Variants in ZNF461 observed in about 807,000 individuals in gnomAD.
ZNF461 encodes zinc finger protein 461.
ZNF461 carries 16 observed loss-of-function variants against 18.3 expected under a neutral mutation model. The ratio of observed to expected loss-of-function variants is 0.88; its 90% CI spans 0.59 to 1.33. ZNF461 has a LOEUF of 1.33. ZNF461 is among the 40% of genes most tolerant of loss of function. The pLI, the probability that ZNF461 is intolerant of heterozygous loss-of-function variation, is 0.00. For synonymous variants in ZNF461, 179 were observed against 216.9 expected, an observed-to-expected ratio of 0.83 and a Z score of 1.54; for missense variants, 595 against 669.9, an observed-to-expected ratio of 0.89 and a Z score of 1.23.
intron 5 of ZNF461, among the ~76,000 whole-genome samples, chr19:36,642,365 C>T (rs1249964018): frequency 2.0e-5 from 3 of 152,146 alleles, no homozygotes; most frequent in Non-Finnish European, 2.9e-5. Context: ...ACCCACATGT[C>T]GGGTACCAGG....
rs550999946 is a variant in ZNF461, at chr19:36,663,455, C to T, written c.9+1243G>A. Among the ~76,000 whole-genome samples the T allele has an allele frequency of 9.2e-4, 140 of 151,882 alleles. 1 individual carries two copies. Among genetic ancestry groups the T allele is most frequent in the South Asian group, 2.9e-3 (14 of 4,810 alleles). ...AGGTCTTTTAATAGATGAGTTAAACCCCATTTGCATATGTTAATAAGGTAT... is the reference window on the plus strand; with the variant it reads ...AGGTCTTTTAATAGATGAGTTAAACTCCATTTGCATATGTTAATAAGGTAT... On this transcript the variant is annotated intron_variant, in intron 2 of 5. Coordinates refer to ENST00000588268, the MANE Select transcript of ZNF461 (RefSeq NM_153257.5).
At chr19:36,645,932 G>T (rs1451908540) in intron 4 of ZNF461, among the ~76,000 whole-genome samples, 13 of 152,130 alleles carry the variant, frequency 8.5e-5, no homozygotes, top group Admixed American at 8.5e-4. Flanking sequence ...CTACAGGCGT[G>T]AGCCACCATG....
chr19:36,641,274 C>T (rs996904944), intron 5 of ZNF461, among the ~76,000 whole-genome samples: 3 of 152,074 alleles, frequency 2.0e-5, no homozygotes, highest in Non-Finnish European at 2.9e-5. Context: ...AATCCCAGAA[C>T]TTTGGGAGAC....
chr19:36,664,349 A>G (rs202170983), intron 2 of ZNF461, among the ~76,000 whole-genome samples: 2 of 152,176 alleles, frequency 1.3e-5, no homozygotes, highest in Admixed American at 6.5e-5. Flanking sequence ...GCACTTCGGG[A>G]AGCTCAGATG....
At position 36,639,335 on chromosome 19, in the gene ZNF461, GC is replaced by G; in HGVS notation, c.1009del (p.Ala337LeufsTer92). On this transcript the variant is annotated frameshift_variant, in exon 6 of 6. Transcript: ENST00000588268. LOFTEE classifies it low-confidence loss of function (END_TRUNC). ...AGTAAGTTGAAAGCCACGAATAAAAGCCTTCCCACATTGCTTACATTCATAG... is the reference window on the plus strand; with the variant it reads ...AGTAAGTTGAAAGCCACGAATAAAAGCTTCCCACATTGCTTACATTCATAG... ...KPYECKQCGK[A>X]FIRGFQLTEH... is the part of the protein sequence containing the mutation. 1.2e-6 allele frequency: 2 copies of G among 1,614,020 alleles called. No individual in the cohort carries two copies. The highest frequency in any genetic ancestry group is 1.7e-6 in the Non-Finnish European group (2 of 1,179,998).
chr19:36,640,139 T>C (rs2037399367), intron 5 of ZNF461, 96 bp from the exon 6 acceptor site: 1 of 1,085,784 alleles, frequency 9.2e-7, no homozygotes, highest in Non-Finnish European at 1.3e-6. Flanking sequence ...AAATAATTCA[T>C]ATAAGAAATA....
In ZNF461 at chr19:36,639,347, T is replaced by C; in HGVS notation, c.998A>G (p.Gln333Arg). 6.2e-7 allele frequency: 1 copy of C among 1,614,114 alleles called. No individual in the cohort carries two copies. The highest frequency in any genetic ancestry group is 8.5e-7 in the Non-Finnish European group (1 of 1,180,016). Residue 333 changes from glutamine (Q) to arginine (R), a missense_variant, in exon 6 of 6, where the codon CAA becomes CGA. Transcript: ENST00000588268. ...HTGEKPYECK[Q>R]CGKAFIRGFQ... ...GCCACGAATAAAAGCCTTCCCACAT[T>C]GCTTACATTCATAGGGTTTTTCACC...
intron 2 of ZNF461, among the ~76,000 whole-genome samples, chr19:36,662,057 C>T (rs766905223): frequency 2.6e-5 from 4 of 151,706 alleles, no homozygotes; most frequent in South Asian, 4.2e-4. Flanking sequence ...TTAGTAGAGA[C>T]GGGGTTTCTC....
At chr19:36,663,942 G>C (rs1301197947) in intron 2 of ZNF461, among the ~76,000 whole-genome samples, 1 of 152,144 alleles carries the variant, frequency 6.6e-6, no homozygotes, top group Non-Finnish European at 1.5e-5. Flanking sequence ...TTAAGCTTCA[G>C]AAGGGAAGAT....
At chr19:36,664,822 T>C (rs889805725) in intron 1 of ZNF461, 36 bp from the exon 2 acceptor site, 1 of 739,478 alleles carries the variant, frequency 1.4e-6, no homozygotes, top group African/African-American at 1.8e-5. Flanking sequence ...AGACAGGAGA[T>C]TATTGCCTCT....
chr19:36,658,114 G>A (rs2037755494), intron 3 of ZNF461, 185 bp downstream of exon 3: 1 of 595,698 alleles, frequency 1.7e-6, no homozygotes, highest in Non-Finnish European at 2.8e-6. Context: ...GTAAGGATGG[G>A]GAAAATGAAA....
At chr19:36,645,368 T>C (rs887804738) in intron 4 of ZNF461, 1 of 152,214 alleles carries the variant, frequency 6.6e-6, no homozygotes. Context: ...TGTTTACATA[T>C]TTAATAAATA....
intron 2 of ZNF461, among the ~76,000 whole-genome samples, chr19:36,660,917 AAAG>A (rs2037807494): frequency 6.6e-6 from 1 of 152,158 alleles, no homozygotes. Flanking sequence ...ATAATCAACT[AAAG>A]AAAGAAATAT....
intron 2 of ZNF461, among the ~76,000 whole-genome samples, chr19:36,661,097 G>A (rs542321034): frequency 9.9e-5 from 15 of 152,140 alleles, no homozygotes; most frequent in African/African-American, 2.9e-4. Flanking sequence ...GTAACAAAGC[G>A]AGATCGCATC....
In ZNF461 at chr19:36,640,130, A is replaced by G. The variant is rs1305718788; in HGVS notation, c.302-87T>C. 27 of 1,128,260 alleles carry G rather than the reference A, an allele frequency of 2.4e-5. 1 individual carries two copies. The South Asian group carries it at 2.9e-4, about 12-fold the overall frequency. The allele number at this position is 1,128,260 out of a possible 1,614,324, so 69.9% of individuals were successfully genotyped here. A position where few individuals can be genotyped will look rare whatever the true frequency, so the allele number is the denominator to read the frequency against. On this transcript the variant is annotated intron_variant, in intron 5 of 5. Coordinates refer to ENST00000588268, the MANE Select transcript of ZNF461 (RefSeq NM_153257.5). ...ATGGTAGCAATGAGAGATAACTGCAAATAATTCATATAAGAAATAAAAGGC... is the reference window on the plus strand; with the variant it reads ...ATGGTAGCAATGAGAGATAACTGCAGATAATTCATATAAGAAATAAAAGGC...
chr19:36,650,528 CACA>C lies in ZNF461; in HGVS notation c.232+5917_232+5919del, dbSNP rs1019485650. Among the ~76,000 whole-genome samples the C allele has an allele frequency of 4.6e-5, 7 of 152,074 alleles. No homozygotes were observed. In the East Asian group the frequency reaches 9.6e-4, roughly 21 times the overall value. The stretch of plus-strand genomic sequence containing the variant: ...TACTAAACATTCATGTGATGTTTTA[CACA>C]ACGTCTTCCAGAAAACAGAAGAAAA... On this transcript the variant is annotated intron_variant, in intron 4 of 5. Transcript: ENST00000588268.
chr19:36,650,828 G>C (rs2145390644), intron 4 of ZNF461, among the ~76,000 whole-genome samples: 1 of 136,368 alleles, frequency 7.3e-6, no homozygotes, highest in African/African-American at 2.7e-5. Context: ...TGATAAATAA[G>C]AAAAATAACA....
Position 36,637,049 on chromosome 19 carries a change from T to C in ZNF461, c.*1604A>G, listed in dbSNP as rs1044724715. On this transcript the variant is annotated 3_prime_UTR_variant, in exon 6 of 6. Transcript: ENST00000588268. ...CACAACTTATTGTCCCATATTTTTATGGCCAGTTTATGCAGGCACTCCACA... is the reference window on the plus strand; with the variant it reads ...CACAACTTATTGTCCCATATTTTTACGGCCAGTTTATGCAGGCACTCCACA... The C allele has an allele frequency of 6.6e-6, 1 of 152,206 alleles. No individual in the cohort carries two copies. The highest frequency in any genetic ancestry group is 1.5e-5 in the Non-Finnish European group (1 of 68,034). The allele number at this position is 152,206 out of a possible 1,614,324, so 9.4% of individuals were successfully genotyped here. A position where few individuals can be genotyped will look rare whatever the true frequency, so the allele number is the denominator to read the frequency against.
chr19:36,637,632 G>A lies in ZNF461; in HGVS notation c.*1021C>T, dbSNP rs2037321639. ...GAGAATTTTTAACCTGGGTGGCGGA[G>A]GTTGCAGTGAGCCAAGATTGCACCA... On this transcript the variant is annotated 3_prime_UTR_variant, in exon 6 of 6. Transcript: ENST00000588268. 4.2e-6 allele frequency: 1 copy of A among 235,294 alleles called. No individual in the cohort carries two copies. Among genetic ancestry groups the A allele is most frequent in the South Asian group, 4.5e-5 (1 of 22,354 alleles). 14.6% of individuals were successfully genotyped at this position (235,294 alleles called of 1,614,324 possible).
Sources: gnomAD v4.1 joint callset for allele counts (sites outside exome capture counted in the v4.1 genomes callset) on GRCh38, gnomAD v4.1.1 for gene constraint, MANE v1.5 for transcripts, NCBI Gene and HGNC (gene_info 2026-07-23, HGNC 2026-07-21) for gene names.